DAGLB: variants seen among roughly 807,000 people sequenced by gnomAD.
The protein encoded by DAGLB is diacylglycerol lipase beta.
DAGLB carries 66 observed loss-of-function variants against 72.1 expected under a neutral mutation model. That is an observed-to-expected ratio of 0.92 (90% CI 0.75 to 1.12). The LOEUF (loss-of-function observed/expected upper bound fraction) is 1.12. DAGLB is among the 50% of genes most tolerant of loss of function. DAGLB has a pLI of 0.00. For missense variants in DAGLB, 1,065 were observed against 884.9 expected, an observed-to-expected ratio of 1.20 and a Z score of -2.58; for synonymous variants, 414 against 359.5, an observed-to-expected ratio of 1.15 and a Z score of -1.71.
intron 9 of DAGLB, among the ~76,000 whole-genome samples, chr7:6,419,176 C>T (rs942912838): frequency 1.1e-4 from 16 of 151,256 alleles, no homozygotes; most frequent in African/African-American, 3.7e-4. Context: ...CACTCACCAC[C>T]ACACCCGGCT....
chr7:6,423,205 G>A (rs1385769054), intron 8 of DAGLB, among the ~76,000 whole-genome samples: 1 of 152,122 alleles, frequency 6.6e-6, no homozygotes, highest in Admixed American at 6.6e-5. Flanking sequence ...TGAGCTGACT[G>A]TACCATCGTA....
chr7:6,425,790 A>G (rs1304969151), intron 7 of DAGLB, among the ~76,000 whole-genome samples, 198 bp downstream of exon 7: 3 of 152,140 alleles, frequency 2.0e-5, no homozygotes, highest in Non-Finnish European at 4.4e-5. Flanking sequence ...CTTATGTGAA[A>G]CCTGGGTTCT....
intron 8 of DAGLB, chr7:6,422,177 G>A (rs1346039743): frequency 2.8e-6 from 1 of 362,726 alleles, no homozygotes; most frequent in Non-Finnish European, 5.4e-6. Flanking sequence ...AAACCGTGGA[G>A]AGGAGGAGGC....
At chr7:6,419,091 T>C (rs1199555390) in intron 9 of DAGLB, among the ~76,000 whole-genome samples, 1 of 150,264 alleles carries the variant, frequency 6.7e-6, no homozygotes, top group Non-Finnish European at 1.5e-5. Context: ...CTTTTTTTTT[T>C]TTTTTTTTTT....
At chr7:6,432,015 A>T (rs1583295339) in intron 5 of DAGLB, among the ~76,000 whole-genome samples, 1 of 152,132 alleles carries the variant, frequency 6.6e-6, no homozygotes, top group East Asian at 1.9e-4. Flanking sequence ...CCGGTGTAAC[A>T]ACCCTGCTCA....
In DAGLB at chr7:6,409,536, A is replaced by G; in HGVS notation, c.*301T>C. The G allele has an allele frequency of 2.3e-6, 1 of 436,164 alleles. No individual in the cohort carries two copies. Among genetic ancestry groups the G allele is most frequent in the East Asian group, 4.4e-5 (1 of 22,530 alleles). 27.0% of individuals were successfully genotyped at this position (436,164 alleles called of 1,614,324 possible). On this transcript the variant is annotated 3_prime_UTR_variant, in exon 15 of 15. Transcript: ENST00000297056. ...GGGCCCTGGATTCCCGCACTTCTGGAGCAGTCCTCAGACAGCCAAGGGATC... is the reference window on the plus strand; with the variant it reads ...GGGCCCTGGATTCCCGCACTTCTGGGGCAGTCCTCAGACAGCCAAGGGATC...
intron 4 of DAGLB, among the ~76,000 whole-genome samples, 193 bp downstream of exon 4, chr7:6,434,569 C>T (rs1784593682): frequency 1.3e-5 from 2 of 152,262 alleles, no homozygotes; most frequent in African/African-American, 2.4e-5. Context: ...GACACAGGGT[C>T]TGAGAAGGTG....
At chr7:6,423,925 GC>G (rs758888572) in intron 8 of DAGLB, among the ~76,000 whole-genome samples, 2 of 152,070 alleles carry the variant, frequency 1.3e-5, no homozygotes, top group South Asian at 4.1e-4. Context: ...TGAACAGGGC[GC>G]CCCCCGGGAG....
In DAGLB at chr7:6,421,719, G is replaced by A. The variant is rs368919263; in HGVS notation, c.1218+8C>T. On this transcript the variant is annotated splice_region_variant and intron_variant, in intron 9 of 14. Transcript: ENST00000297056. Reference sequence around the variant, plus strand: ...TCACAGGCAAGACACACGAGTCCGCGCTCATACCTTGTGTGCCAGGCGGTC... The same window carrying A: ...TCACAGGCAAGACACACGAGTCCGCACTCATACCTTGTGTGCCAGGCGGTC... The A allele has an allele frequency of 4.0e-5, 64 of 1,604,980 alleles. 1 individual carries two copies. The highest frequency in any genetic ancestry group is 3.3e-5 in the Admixed American group (2 of 59,702).
At chr7:6,415,024 G>C (rs111237545) in intron 11 of DAGLB, among the ~76,000 whole-genome samples, 71 of 152,156 alleles carry the variant, frequency 4.7e-4, no homozygotes, top group African/African-American at 1.6e-3. Flanking sequence ...AGCTGGATGT[G>C]GTGGTGTGCG....
intron 2 of DAGLB, among the ~76,000 whole-genome samples, chr7:6,441,567 G>A (rs1270134027): frequency 2.0e-5 from 3 of 150,196 alleles, no homozygotes; most frequent in African/African-American, 4.9e-5. Context: ...ACAGGGGCCC[G>A]CCACCACGCC....
Position 6,410,121 on chromosome 7 carries a change from C to T in DAGLB, c.1820+9G>A, listed in dbSNP as rs767303133. On this transcript the variant is annotated intron_variant, in intron 14 of 14. Coordinates refer to ENST00000297056, the MANE Select transcript of DAGLB (RefSeq NM_139179.4). ...TGCCTGCCCACCACACCCACCACGCCGCACTCACCGCCCCGAGGCGCCCTC... is the reference window on the plus strand; with the variant it reads ...TGCCTGCCCACCACACCCACCACGCTGCACTCACCGCCCCGAGGCGCCCTC... The T allele has an allele frequency of 5.7e-5, 90 of 1,574,566 alleles. No individual in the cohort carries two copies. The highest frequency in any genetic ancestry group is 1.7e-4 in the Middle Eastern group (1 of 5,908).
chr7:6,439,999 C>A (rs6463557), intron 2 of DAGLB, among the ~76,000 whole-genome samples: 10,576 of 147,612 alleles, frequency 0.072, 994 homozygotes, highest in East Asian at 0.5. Flanking sequence ...ATGCAGTGAG[C>A]TAAGATCACG....
chr7:6,415,381 A>C (rs1029314286), intron 11 of DAGLB, among the ~76,000 whole-genome samples: 46 of 152,044 alleles, frequency 3.0e-4, no homozygotes, highest in African/African-American at 1.1e-3. Flanking sequence ...TTTGTTCTTT[A>C]CGTACATACT....
intron 6 of DAGLB, among the ~76,000 whole-genome samples, chr7:6,428,741 C>A (rs1784390666): frequency 6.6e-6 from 1 of 152,172 alleles, no homozygotes; most frequent in South Asian, 2.1e-4. Flanking sequence ...CCCGCCTTGG[C>A]CTCCCAAAGT....
At chr7:6,419,081 CTTTTTTTTTT>C (rs1199596102) in intron 9 of DAGLB, among the ~76,000 whole-genome samples, 1 of 128,186 alleles carries the variant, frequency 7.8e-6, no homozygotes, top group Non-Finnish European at 1.6e-5. Flanking sequence ...ATGGCACTTC[CTTTTTTTTTT>C]TTTTTTTTTT....
intron 13 of DAGLB, 42 bp from the exon 14 acceptor site, chr7:6,410,422 TCTGTCACCCGAGACCTCCCGAAA>T: frequency 1.3e-6 from 2 of 1,498,522 alleles, no homozygotes; most frequent in Non-Finnish European, 1.8e-6. Context: ...TCACTCACCC[TCTGTCACCCGAGACCTCCCGAAA>T]CACCAAGGCG....
chr7:6,436,606 C>T (rs3750038), intron 2 of DAGLB, 73 bp from the exon 3 acceptor site: 338,902 of 1,591,478 alleles, frequency 0.21, 38,235 homozygotes, highest in Non-Finnish European at 0.23. Context: ...TGCAAAAATA[C>T]AGCTTTTGCA....
chr7:6,443,017 CAAA>C (rs71008392), intron 2 of DAGLB, among the ~76,000 whole-genome samples: 6 of 120,946 alleles, frequency 5.0e-5, no homozygotes, highest in Non-Finnish European at 6.8e-5. Context: ...TCTAAAAATA[CAAA>C]AAAAAAAAAA....
Sources: gnomAD v4.1 joint callset for allele counts (sites outside exome capture counted in the v4.1 genomes callset) on GRCh38, gnomAD v4.1.1 for gene constraint, MANE v1.5 for transcripts, NCBI Gene and HGNC (gene_info 2026-07-23, HGNC 2026-07-21) for gene names.